Variants in HCN1 observed in about 807,000 individuals in gnomAD.
HCN1 encodes the protein potassium/sodium hyperpolarization-activated cyclic nucleotide-gated channel 1.
In HCN1, 13 loss-of-function variants were observed where a neutral mutation model predicts 78.9. The observed-to-expected ratio is 0.16, with a 90% CI of 0.11 to 0.26. The LOEUF (loss-of-function observed/expected upper bound fraction) is 0.26. Among genes scored for constraint, HCN1 ranks in the 10% least tolerant of loss-of-function variants. The pLI, the probability that HCN1 is intolerant of heterozygous loss-of-function variation, is 1.00. For missense variants in HCN1, 810 were observed against 1,154.3 expected (o/e 0.70, Z 4.32); for synonymous variants, 552 against 455.5 (o/e 1.21, Z -2.70).
intron 5 of HCN1, among the ~76,000 whole-genome samples, chr5:45,332,461 T>G (rs1579817201): frequency 1.3e-5 from 2 of 151,136 alleles, no homozygotes; most frequent in African/African-American, 4.8e-5. Context: ...TCGTACCCAT[T>G]AACCATCCTC....
intron 6 of HCN1, among the ~76,000 whole-genome samples, chr5:45,277,122 A>G (rs1348789323): frequency 6.6e-6 from 1 of 152,112 alleles, no homozygotes; most frequent in Non-Finnish European, 1.5e-5. Flanking sequence ...TTAAGAAATT[A>G]ACTTACATGG....
chr5:45,507,211 C>T (rs1404966962), intron 2 of HCN1, among the ~76,000 whole-genome samples: 2 of 152,170 alleles, frequency 1.3e-5, no homozygotes, highest in South Asian at 2.1e-4. Context: ...GACAACAATC[C>T]TGTGAACGAC....
intron 5 of HCN1, among the ~76,000 whole-genome samples, chr5:45,304,256 C>T (rs975955266): frequency 6.7e-6 from 1 of 150,200 alleles, no homozygotes; most frequent in Non-Finnish European, 1.5e-5. Context: ...TTCTGTGCTC[C>T]TTTTTGTCTG....
chr5:45,609,262 A>C (rs1744786728), intron 2 of HCN1, among the ~76,000 whole-genome samples: 1 of 152,156 alleles, frequency 6.6e-6, no homozygotes, highest in Admixed American at 6.6e-5. Flanking sequence ...ACACAAGAAG[A>C]CATGTAAAAT....
At position 45,325,689 on chromosome 5, in the gene HCN1, C is replaced by T. The variant is rs540083564; in HGVS notation, c.1378-21850G>A. Among the ~76,000 whole-genome samples the T allele has an allele frequency of 2.6e-5, 4 of 151,710 alleles. No individual in the cohort carries two copies. In the South Asian group the frequency reaches 8.3e-4, roughly 31 times the overall value. On this transcript the variant is annotated intron_variant, in intron 5 of 7. Transcript: ENST00000303230. Reference sequence around the variant, plus strand: ...CACTGCATATATGAGAAAATCAGCCCATACTAGCAGATCTTAATGAATTAA... The same window carrying T: ...CACTGCATATATGAGAAAATCAGCCTATACTAGCAGATCTTAATGAATTAA...
intron 2 of HCN1, among the ~76,000 whole-genome samples, chr5:45,580,045 C>G (rs916566138): frequency 6.6e-6 from 1 of 152,084 alleles, no homozygotes; most frequent in African/African-American, 2.4e-5. Flanking sequence ...TTCAAAGCCA[C>G]AGTCCCGCTG....
At chr5:45,353,541 A>T (rs1359058277) in intron 4 of HCN1, among the ~76,000 whole-genome samples, 1 of 152,016 alleles carries the variant, frequency 6.6e-6, no homozygotes, top group Non-Finnish European at 1.5e-5. Context: ...AAAGCCAGTG[A>T]TGGGGCAAAA....
intron 2 of HCN1, among the ~76,000 whole-genome samples, chr5:45,470,282 C>G (rs1034295667): frequency 1.3e-5 from 2 of 151,948 alleles, no homozygotes; most frequent in Non-Finnish European, 2.9e-5. Flanking sequence ...AAAGAAATCA[C>G]TAAGTACATG....
At chr5:45,694,180 T>C (rs1274705154) in intron 1 of HCN1, among the ~76,000 whole-genome samples, 1 of 152,236 alleles carries the variant, frequency 6.6e-6, no homozygotes, top group Non-Finnish European at 1.5e-5. Context: ...ATTTTCTTTT[T>C]TTTAAAATTT....
At position 45,350,853 on chromosome 5, in the gene HCN1, C is replaced by T. The variant is rs1299188119; in HGVS notation, c.1377+2247G>A. ...GGACCTCTTCAAGGAGAACTACAAA[C>T]CACTGCTCAATGAAGTAAAAGAGGA... On this transcript the variant is annotated intron_variant, in intron 5 of 7. Transcript: ENST00000303230. 2.0e-5 allele frequency among the ~76,000 whole-genome samples: 3 copies of T among 152,146 alleles called. No homozygotes were observed. In the East Asian group the frequency reaches 5.8e-4, roughly 29 times the overall value.
chr5:45,427,992 T>C (rs76451641), intron 3 of HCN1, among the ~76,000 whole-genome samples: 2,412 of 152,154 alleles, frequency 0.016, 64 homozygotes, highest in African/African-American at 0.055. Flanking sequence ...AAAGAGGGTG[T>C]ATTGTAGAGT....
In HCN1 at chr5:45,279,363, T is replaced by C. The variant is rs541775077; in HGVS notation, c.1619-12110A>G. Reference sequence around the variant, plus strand: ...CAAAGCTTAACTGAGGTGTGATACATCCTGTTGAAACCGTGTTCAAAGAAG... The same window carrying C: ...CAAAGCTTAACTGAGGTGTGATACACCCTGTTGAAACCGTGTTCAAAGAAG... On this transcript the variant is annotated intron_variant, in intron 6 of 7. Transcript: ENST00000303230. 2.0e-4 allele frequency among the ~76,000 whole-genome samples: 31 copies of C among 152,252 alleles called. No homozygotes were observed. In the East Asian group the frequency reaches 5.0e-3, roughly 25 times the overall value.
At chr5:45,371,961 ATATAT>A (rs1747379727) in intron 4 of HCN1, among the ~76,000 whole-genome samples, 2 of 86,162 alleles carry the variant, frequency 2.3e-5, no homozygotes, top group East Asian at 3.2e-4. Flanking sequence ...TAATATAATT[ATATAT>A]TATATTATGT....
At chr5:45,374,508 A>C (rs1747556835) in intron 4 of HCN1, among the ~76,000 whole-genome samples, 1 of 149,802 alleles carries the variant, frequency 6.7e-6, no homozygotes, top group African/African-American at 2.4e-5. Flanking sequence ...TCAGTAATAA[A>C]ATCCTGCCAA....
intron 5 of HCN1, among the ~76,000 whole-genome samples, chr5:45,350,142 C>T (rs143698665): frequency 4.6e-5 from 7 of 152,010 alleles, no homozygotes; most frequent in African/African-American, 7.2e-5. Flanking sequence ...ACTGGCAAAC[C>T]GAATCCAGCA....
intron 2 of HCN1, among the ~76,000 whole-genome samples, chr5:45,522,128 C>T (rs1457214884): frequency 6.6e-6 from 1 of 151,838 alleles, no homozygotes; most frequent in African/African-American, 2.4e-5. Context: ...TGATTTTATT[C>T]CACTTCTTTA....
chr5:45,386,045 A>G (rs1260451858), intron 4 of HCN1, among the ~76,000 whole-genome samples: 1 of 152,208 alleles, frequency 6.6e-6, no homozygotes, highest in Non-Finnish European at 1.5e-5. Context: ...CCAGAGTCTT[A>G]TCTAAATCAA....
chr5:45,274,291 G>C (rs1157737135), intron 6 of HCN1, among the ~76,000 whole-genome samples: 2 of 151,994 alleles, frequency 1.3e-5, no homozygotes, highest in Non-Finnish European at 2.9e-5. Context: ...TGGTTATTTA[G>C]ATCAAATAAA....
rs183983610 is a variant in HCN1, at chr5:45,475,879, C to T, written c.850-13872G>A. Among the ~76,000 whole-genome samples, 1,464 of 152,176 alleles carry T rather than the reference C, an allele frequency of 9.6e-3. 17 individuals are homozygous for T. Among genetic ancestry groups the T allele is most frequent in the Non-Finnish European group, 0.013 (907 of 68,000 alleles). ...CATCTATATTTACATTTCTGTCAAC[C>T]TCTTTTTCTAAGTCTCTTCAAAAAG... On this transcript the variant is annotated intron_variant, in intron 2 of 7. Transcript: ENST00000303230.
Sources: gnomAD v4.1 joint callset for allele counts (sites outside exome capture counted in the v4.1 genomes callset) on GRCh38, gnomAD v4.1.1 for gene constraint, MANE v1.5 for transcripts, NCBI Gene and HGNC (gene_info 2026-07-23, HGNC 2026-07-21) for gene names.